The following CDKN2B-AS1 variants were observed in gnomAD, a reference collection of about 807,000 sequenced individuals.
CDKN2B-AS1 encodes the protein CDKN2B and CDKN2A antisense cis and trans regulatory RNA 1.
intron 4 of CDKN2B-AS1, among the ~76,000 whole-genome samples, chr9:22,082,246 T>A (rs745813327): frequency 6.6e-6 from 1 of 152,218 alleles, no homozygotes; most frequent in African/African-American, 2.4e-5. Flanking sequence ...TAGCGGGTCT[T>A]GAAAGCAGTG....
chr9:22,116,336 T>C (rs1341191885), intron 4 of CDKN2B-AS1, among the ~76,000 whole-genome samples: 3 of 152,230 alleles, frequency 2.0e-5, no homozygotes, highest in African/African-American at 7.2e-5. Flanking sequence ...AATGGTCTTA[T>C]GTGCCACAAC....
chr9:22,082,501 T>C (rs1379947559), intron 4 of CDKN2B-AS1, among the ~76,000 whole-genome samples: 3 of 152,194 alleles, frequency 2.0e-5, no homozygotes, highest in African/African-American at 7.2e-5. Context: ...CTGAGTCCAT[T>C]ATATCTTAAT....
intron 4 of CDKN2B-AS1, among the ~76,000 whole-genome samples, chr9:22,125,873 T>TA: frequency 6.6e-6 from 1 of 152,338 alleles, no homozygotes; most frequent in South Asian, 2.1e-4. Flanking sequence ...AAATAGTTGA[T>TA]ATAAGCAGAT....
At chr9:22,029,774 C>T (rs1387346331) in intron 1 of CDKN2B-AS1, 1 of 344,712 alleles carries the variant, frequency 2.9e-6, no homozygotes, top group Non-Finnish European at 5.2e-6. Context: ...TTTATTTTAT[C>T]TTGTATTTAT....
intron 4 of CDKN2B-AS1, among the ~76,000 whole-genome samples, chr9:22,098,477 AAAAAT>A (rs1268097281): frequency 3.3e-5 from 5 of 151,996 alleles, no homozygotes; most frequent in African/African-American, 4.8e-5. Context: ...TCACCTTTAT[AAAAAT>A]AAAATAAAAT....
intron 1 of CDKN2B-AS1, among the ~76,000 whole-genome samples, chr9:21,998,755 T>C (rs867867312): frequency 1.3e-4 from 20 of 152,228 alleles, no homozygotes; most frequent in Admixed American, 7.2e-4. Context: ...CCAAACTTAA[T>C]GTCCTATGAC....
At chr9:22,012,522 C>A in intron 1 of CDKN2B-AS1, 2 of 639,020 alleles carry the variant, frequency 3.1e-6, no homozygotes, top group African/African-American at 1.8e-5. Flanking sequence ...AACCTGCACC[C>A]CAAGAAGGTC....
At chr9:22,067,821 C>T (rs1268610088) in intron 4 of CDKN2B-AS1, among the ~76,000 whole-genome samples, 1 of 152,098 alleles carries the variant, frequency 6.6e-6, no homozygotes, top group Non-Finnish European at 1.5e-5. Flanking sequence ...AATTTGAAGG[C>T]AATCTGTACG....
intron 4 of CDKN2B-AS1, among the ~76,000 whole-genome samples, chr9:22,057,134 G>A (rs1308229439): frequency 6.6e-6 from 1 of 151,930 alleles, no homozygotes; most frequent in Non-Finnish European, 1.5e-5. Context: ...GAATTATTTT[G>A]ATAAAAATAA....
At chr9:22,008,560 G>A in intron 1 of CDKN2B-AS1, 1 of 1,103,286 alleles carries the variant, frequency 9.1e-7, no homozygotes, top group Non-Finnish European at 1.3e-6. Context: ...TTGCATCTCT[G>A]ATCATGAGAT....
intron 2 of CDKN2B-AS1, among the ~76,000 whole-genome samples, chr9:22,048,530 ATACT>A (rs748483974): frequency 5.3e-5 from 8 of 152,148 alleles, no homozygotes; most frequent in Non-Finnish European, 1.0e-4. Flanking sequence ...ATATACGTAC[ATACT>A]TTTCTTGGAG....
intron 1 of CDKN2B-AS1, chr9:22,012,247 A>C: frequency 7.0e-7 from 1 of 1,430,580 alleles, no homozygotes; most frequent in South Asian, 1.1e-5. Context: ...CGAAAATTCA[A>C]GACAAGGAGG....
chr9:22,106,159 T>C (rs1825652162), intron 4 of CDKN2B-AS1, among the ~76,000 whole-genome samples: 1 of 152,194 alleles, frequency 6.6e-6, no homozygotes, highest in African/African-American at 2.4e-5. Flanking sequence ...CTCGGCTCAC[T>C]GCAACTTCCA....
chr9:22,031,449 A>G (rs1380784416), intron 1 of CDKN2B-AS1, among the ~76,000 whole-genome samples: 1 of 152,228 alleles, frequency 6.6e-6, no homozygotes, highest in Non-Finnish European at 1.5e-5. Context: ...AAGCAGGTTC[A>G]TGGATAAAAT....
At chr9:22,073,702 T>C (rs1369840438) in intron 4 of CDKN2B-AS1, among the ~76,000 whole-genome samples, 1 of 152,196 alleles carries the variant, frequency 6.6e-6, no homozygotes, top group Admixed American at 6.5e-5. Context: ...TAAATCCCTA[T>C]GGATAAATTA....
intron 1 of CDKN2B-AS1, among the ~76,000 whole-genome samples, chr9:22,036,463 T>C (rs1822692641): frequency 6.6e-6 from 1 of 152,104 alleles, no homozygotes; most frequent in African/African-American, 2.4e-5. Flanking sequence ...GTAAGTTGCA[T>C]CAAATAACAA....
intron 1 of CDKN2B-AS1, among the ~76,000 whole-genome samples, chr9:22,028,935 T>G (rs1013890226): frequency 6.6e-6 from 1 of 152,194 alleles, no homozygotes; most frequent in African/African-American, 2.4e-5. Context: ...ACAGATTGAT[T>G]ATGGTATAAT....
At chr9:22,108,337 A>G (rs1825711674) in intron 4 of CDKN2B-AS1, among the ~76,000 whole-genome samples, 1 of 152,156 alleles carries the variant, frequency 6.6e-6, no homozygotes, top group South Asian at 2.1e-4. Context: ...TCGAGAAGGG[A>G]GTATTACTCT....
At chr9:22,083,879 G>C (rs1198974542) in intron 4 of CDKN2B-AS1, among the ~76,000 whole-genome samples, 1 of 152,160 alleles carries the variant, frequency 6.6e-6, no homozygotes, top group Non-Finnish European at 1.5e-5. Flanking sequence ...GAGGACACTG[G>C]TGTTTGGGTG....
Sources: allele counts gnomAD v4.1 joint callset (sites outside exome capture counted in the v4.1 genomes callset), GRCh38; gene constraint gnomAD v4.1.1; transcripts MANE v1.5; gene names NCBI Gene and HGNC (gene_info 2026-07-23, HGNC 2026-07-21).